CBFA2T2: variants seen among roughly 807,000 people sequenced by gnomAD.
CBFA2T2 encodes the protein CBFA2/RUNX1 partner transcriptional co-repressor 2.
Under a neutral mutation model 62.2 loss-of-function variants are expected in CBFA2T2, and 11 were observed. The observed-to-expected ratio is 0.18, with a 90% confidence interval of 0.11 to 0.29. The LOEUF (loss-of-function observed/expected upper bound fraction) is 0.29. Ranked by LOEUF, CBFA2T2 falls within the 10% of genes least tolerant of loss-of-function variation. CBFA2T2 has a pLI of 1.00. For missense variants in CBFA2T2, 592 were observed against 774.1 expected (o/e 0.76, Z 2.79); for synonymous variants, 295 against 287.5 (o/e 1.03, Z -0.27).
intron 1 of CBFA2T2, among the ~76,000 whole-genome samples, chr20:33,505,979 A>T (rs1208200369): frequency 1.3e-5 from 2 of 151,954 alleles, no homozygotes; most frequent in East Asian, 3.9e-4. Flanking sequence ...AATCCTAGCT[A>T]TTAGGGAGGC....
At chr20:33,630,331 A>G (rs182192064) in intron 8 of CBFA2T2, among the ~76,000 whole-genome samples, 1 of 152,202 alleles carries the variant, frequency 6.6e-6, no homozygotes, top group African/African-American at 2.4e-5. Context: ...AACTCTTTAC[A>G]TATATGTGTG....
At chr20:33,527,411 C>T (rs1252612222) in intron 1 of CBFA2T2, among the ~76,000 whole-genome samples, 1 of 136,948 alleles carries the variant, frequency 7.3e-6, no homozygotes, top group African/African-American at 2.7e-5. Flanking sequence ...CTTGTTCTGT[C>T]GCCCGGGTTG....
intron 1 of CBFA2T2, among the ~76,000 whole-genome samples, chr20:33,545,685 T>G (rs6120299): frequency 0.29 from 44,600 of 151,836 alleles, 6,660 homozygotes; most frequent in East Asian, 0.35. Context: ...GACGTCAGGT[T>G]ATCTGTCCCC....
chr20:33,507,711 C>T (rs1309908592), intron 1 of CBFA2T2, among the ~76,000 whole-genome samples: 4 of 152,100 alleles, frequency 2.6e-5, no homozygotes, highest in African/African-American at 7.2e-5. Context: ...CATACTTTTT[C>T]CCCCCTACTG....
chr20:33,569,405 G>A (rs935733297), intron 1 of CBFA2T2, among the ~76,000 whole-genome samples: 4 of 152,190 alleles, frequency 2.6e-5, no homozygotes, highest in African/African-American at 7.2e-5. Context: ...TGAGAAGGTC[G>A]ATGTTTTAGA....
chr20:33,598,841 CT>C (rs2015001932), intron 1 of CBFA2T2, among the ~76,000 whole-genome samples: 1 of 152,222 alleles, frequency 6.6e-6, no homozygotes, highest in Admixed American at 6.5e-5. Context: ...CACAATCCAC[CT>C]TCTTCTGCCA....
chr20:33,523,926 C>T (rs901884425), intron 1 of CBFA2T2, among the ~76,000 whole-genome samples: 5 of 152,046 alleles, frequency 3.3e-5, no homozygotes, highest in East Asian at 1.9e-4. Flanking sequence ...TGAGGTGATC[C>T]GCCCGCCTCG....
chr20:33,601,960 A>T (rs554620293), intron 1 of CBFA2T2: 1 of 152,114 alleles, frequency 6.6e-6, no homozygotes, highest in South Asian at 2.1e-4. Flanking sequence ...ATGCGCCACC[A>T]CATCCAGCTA....
chr20:33,508,465 G>C (rs2011442940), intron 1 of CBFA2T2, among the ~76,000 whole-genome samples: 1 of 152,002 alleles, frequency 6.6e-6, no homozygotes, highest in African/African-American at 2.4e-5. Context: ...GGCTACATGT[G>C]CAGATTTGTT....
intron 1 of CBFA2T2, among the ~76,000 whole-genome samples, chr20:33,500,411 TA>T (rs1037458168): frequency 1.4e-4 from 20 of 147,688 alleles, no homozygotes; most frequent in Admixed American, 2.0e-4. Context: ...TCTTCTTATT[TA>T]AAAAAAAAAG....
At chr20:33,579,336 G>A (rs1249901116) in intron 1 of CBFA2T2, among the ~76,000 whole-genome samples, 2 of 151,706 alleles carry the variant, frequency 1.3e-5, no homozygotes, top group Admixed American at 1.3e-4. Flanking sequence ...CCAAAGCATT[G>A]GGAATACATA....
chr20:33,496,935 C>T (rs2011206083), intron 1 of CBFA2T2, among the ~76,000 whole-genome samples: 1 of 152,098 alleles, frequency 6.6e-6, no homozygotes, highest in Admixed American at 6.6e-5. Context: ...GGGTTGTGCC[C>T]TTAGCTGACT....
rs762441443 is a variant in CBFA2T2, at chr20:33,619,519, C to G, written c.423C>G (p.Asn141Lys). The G allele has an allele frequency of 6.3e-7, 1 of 1,587,766 alleles. No homozygotes were observed. The highest frequency in any genetic ancestry group is 8.6e-7 in the Non-Finnish European group (1 of 1,167,262). Residue 141 changes from asparagine (N) to lysine (K), a missense_variant and splice_region_variant, in exon 4 of 11, where the codon AAC (asparagine) becomes AAG (lysine). Transcript: ENST00000342704. ...AACAAGGTTATTTATCTTTTCAGAA[C>G]TCAACAGTGACAATTGAGGAATTCC... ...KVRTLVLALVNSTVTIEEFHC... is the reference protein window; with the variant it reads ...KVRTLVLALVKSTVTIEEFHC...
chr20:33,622,109 G>T (rs2016014325), intron 4 of CBFA2T2, among the ~76,000 whole-genome samples: 1 of 152,208 alleles, frequency 6.6e-6, no homozygotes, highest in Non-Finnish European at 1.5e-5. Flanking sequence ...CAACAAGATT[G>T]AGGTTATAGA....
At chr20:33,596,076 T>C (rs2014871867) in intron 1 of CBFA2T2, among the ~76,000 whole-genome samples, 1 of 152,226 alleles carries the variant, frequency 6.6e-6, no homozygotes, top group Non-Finnish European at 1.5e-5. Flanking sequence ...AATTTGGCTG[T>C]TTTGCCAAAC....
At chr20:33,543,842 T>C (rs7268715) in intron 1 of CBFA2T2, among the ~76,000 whole-genome samples, 2 of 152,066 alleles carry the variant, frequency 1.3e-5, no homozygotes, top group African/African-American at 2.4e-5. Flanking sequence ...TTAATTAATT[T>C]ATTTATTTAT....
Position 33,539,834 on chromosome 20 carries a change from G to A in CBFA2T2, c.34+49533G>A, listed in dbSNP as rs143552558. Among the ~76,000 whole-genome samples, 845 of 151,804 alleles carry A rather than the reference G, an allele frequency of 5.6e-3. 7 individuals are homozygous for A. Among genetic ancestry groups the A allele is most frequent in the African/African-American group, 0.019 (807 of 41,426 alleles). The stretch of plus-strand genomic sequence containing the variant: ...CCTGAGTAGCTGGGACTATAGGTGC[G>A]TACCACCATGCCTGGATAATTTTTT... On this transcript the variant is annotated intron_variant, in intron 1 of 10. Coordinates refer to ENST00000342704, the MANE Select transcript of CBFA2T2 (RefSeq NM_001032999.3).
chr20:33,493,068 GTTTTTTTT>G (rs1157324208), intron 1 of CBFA2T2, among the ~76,000 whole-genome samples: 1 of 88,080 alleles, frequency 1.1e-5, no homozygotes, highest in African/African-American at 4.5e-5. Context: ...TGAAGTTTTG[GTTTTTTTT>G]TTTTTTTTTT....
chr20:33,532,221 A>G (rs986114999), intron 1 of CBFA2T2, among the ~76,000 whole-genome samples: 2 of 152,212 alleles, frequency 1.3e-5, no homozygotes, highest in Non-Finnish European at 2.9e-5. Flanking sequence ...AGTGATGAGT[A>G]TGACAGTACT....
Sources: gnomAD v4.1 joint callset for allele counts (sites outside exome capture counted in the v4.1 genomes callset) on GRCh38, gnomAD v4.1.1 for gene constraint, MANE v1.5 for transcripts, NCBI Gene and HGNC (gene_info 2026-07-23, HGNC 2026-07-21) for gene names.